The following PLCL2 variants were observed in gnomAD, a reference collection of about 807,000 sequenced individuals.
The protein encoded by PLCL2 is phospholipase C like 2.
Under a neutral mutation model 79.6 loss-of-function variants are expected in PLCL2, and 4 were observed. The observed-to-expected ratio is 0.05, with a 90% CI of 0.02 to 0.11. PLCL2 has a LOEUF of 0.11. Among genes scored for constraint, PLCL2 ranks in the 10% least tolerant of loss-of-function variants. PLCL2 has a pLI of 1.00. For synonymous variants in PLCL2, 484 were observed against 457.7 expected, an observed-to-expected ratio of 1.06 and a Z score of -0.73; for missense variants, 895 against 1,291.0, an observed-to-expected ratio of 0.69 and a Z score of 4.70.
chr3:16,944,914 C>T (rs1027218216), intron 1 of PLCL2, among the ~76,000 whole-genome samples: 12 of 151,982 alleles, frequency 7.9e-5, no homozygotes, highest in Non-Finnish European at 1.8e-4. Flanking sequence ...CGCCTGCCAC[C>T]ACACCCGGGT....
intron 1 of PLCL2, among the ~76,000 whole-genome samples, chr3:16,955,338 A>G (rs1251317344): frequency 2.0e-5 from 3 of 152,162 alleles, no homozygotes; most frequent in Non-Finnish European, 4.4e-5. Context: ...AGATGGTTGT[A>G]GATGTGTGGT....
chr3:16,946,047 A>G (rs567309095), intron 1 of PLCL2, among the ~76,000 whole-genome samples: 1 of 152,338 alleles, frequency 6.6e-6, no homozygotes, highest in Non-Finnish European at 1.5e-5. Flanking sequence ...CATAAACATT[A>G]ATCACCAGAG....
chr3:16,912,062 A>T (rs976574965), intron 1 of PLCL2, among the ~76,000 whole-genome samples: 4 of 152,194 alleles, frequency 2.6e-5, no homozygotes, highest in Admixed American at 6.5e-5. Flanking sequence ...ATCCCAAAAA[A>T]ATCTGAAACG....
At chr3:16,959,212 C>T (rs1166271237) in intron 1 of PLCL2, among the ~76,000 whole-genome samples, 1 of 152,146 alleles carries the variant, frequency 6.6e-6, no homozygotes, top group Non-Finnish European at 1.5e-5. Flanking sequence ...ATATCATGTG[C>T]CTCTTGCCTC....
intron 1 of PLCL2, among the ~76,000 whole-genome samples, chr3:17,003,249 T>C (rs1462452182): frequency 6.6e-6 from 1 of 152,230 alleles, no homozygotes; most frequent in African/African-American, 2.4e-5. Context: ...TGCTCAGAAA[T>C]GGGCATATCT....
At chr3:16,924,211 A>G (rs1697192055) in intron 1 of PLCL2, among the ~76,000 whole-genome samples, 1 of 152,146 alleles carries the variant, frequency 6.6e-6, no homozygotes, top group African/African-American at 2.4e-5. Context: ...GTAATTTTTA[A>G]TATTATAATG....
chr3:16,972,794 A>G (rs1252675139), intron 1 of PLCL2, among the ~76,000 whole-genome samples: 1 of 152,120 alleles, frequency 6.6e-6, no homozygotes, highest in Non-Finnish European at 1.5e-5. Flanking sequence ...GTCTGAAATT[A>G]TAATAGTAAC....
intron 1 of PLCL2, among the ~76,000 whole-genome samples, chr3:16,892,426 T>C (rs1239892855): frequency 9.9e-6 from 1 of 101,198 alleles, no homozygotes; most frequent in Non-Finnish European, 2.3e-5. Context: ...TATTGTTTGC[T>C]AAGGGATTTA....
chr3:16,955,124 T>A lies in PLCL2; in HGVS notation c.328-54550T>A, dbSNP rs193032940. The stretch of plus-strand genomic sequence containing the variant: ...CACATGACTACGTCCTGAATGGTAA[T>A]GCCTAGGTTTTCTTCTAGGGTTTGT... On this transcript the variant is annotated intron_variant, in intron 1 of 5. Transcript: ENST00000615277. 2.1e-3 allele frequency among the ~76,000 whole-genome samples: 326 copies of A among 152,356 alleles called. 1 individual carries two copies. Among genetic ancestry groups the A allele is most frequent in the Non-Finnish European group, 3.7e-3 (253 of 68,028 alleles).
chr3:16,997,532 CTTT>C (rs747893839), intron 1 of PLCL2, among the ~76,000 whole-genome samples: 1 of 131,670 alleles, frequency 7.6e-6, no homozygotes. Flanking sequence ...AATTTCTTTT[CTTT>C]TTTTTTTTTT....
intron 3 of PLCL2, among the ~76,000 whole-genome samples, chr3:17,016,196 A>G (rs78177033): frequency 0.029 from 4,386 of 152,322 alleles, 235 homozygotes; most frequent in African/African-American, 0.1. Flanking sequence ...CAAAGATTCT[A>G]GAGAATATAT....
intron 1 of PLCL2, among the ~76,000 whole-genome samples, chr3:16,923,431 A>G (rs1171792929): frequency 1.3e-5 from 2 of 152,254 alleles, no homozygotes; most frequent in Non-Finnish European, 2.9e-5. Flanking sequence ...TTGCACAGGC[A>G]GAGGCTTGGA....
chr3:17,089,636 T>A (rs1415868610), intron 5 of PLCL2, 97 bp from the exon 6 acceptor site: 2 of 739,420 alleles, frequency 2.7e-6, no homozygotes, highest in African/African-American at 3.5e-5. Context: ...TCTTGTGGAA[T>A]CAGAATACTT....
intron 1 of PLCL2, among the ~76,000 whole-genome samples, chr3:16,932,912 C>A (rs1166733418): frequency 6.6e-6 from 1 of 152,100 alleles, no homozygotes; most frequent in African/African-American, 2.4e-5. Context: ...TTTCCTTCTT[C>A]TTCTTTTCTT....
At chr3:16,969,419 A>C (rs1462212331) in intron 1 of PLCL2, among the ~76,000 whole-genome samples, 1 of 151,566 alleles carries the variant, frequency 6.6e-6, no homozygotes, top group African/African-American at 2.4e-5. Flanking sequence ...TCAGTTTTGG[A>C]ACTTCTTTGG....
intron 1 of PLCL2, among the ~76,000 whole-genome samples, chr3:16,918,293 A>C (rs1335997299): frequency 1.3e-5 from 2 of 152,206 alleles, no homozygotes; most frequent in African/African-American, 4.8e-5. Flanking sequence ...CTTTATATGA[A>C]AATCTCATTT....
intron 1 of PLCL2, among the ~76,000 whole-genome samples, chr3:16,961,263 T>C (rs1306992335): frequency 6.6e-6 from 1 of 152,220 alleles, no homozygotes; most frequent in African/African-American, 2.4e-5. Flanking sequence ...TCCAAAGACC[T>C]TTCCACTGCA....
chr3:17,034,603 G>GAAA (rs2064622576), intron 3 of PLCL2, among the ~76,000 whole-genome samples: 3 of 152,026 alleles, frequency 2.0e-5, no homozygotes, highest in African/African-American at 7.2e-5. Flanking sequence ...GATCTTACTT[G>GAAA]TTTTCATTAA....
chr3:17,003,892 G>C (rs1259939339), intron 1 of PLCL2, among the ~76,000 whole-genome samples: 1 of 152,090 alleles, frequency 6.6e-6, no homozygotes, highest in Non-Finnish European at 1.5e-5. Flanking sequence ...GTTTTTCTCA[G>C]GAGCACCCAT....
Sources: allele counts gnomAD v4.1 joint callset (sites outside exome capture counted in the v4.1 genomes callset), GRCh38; gene constraint gnomAD v4.1.1; transcripts MANE v1.5; gene names NCBI Gene and HGNC (gene_info 2026-07-23, HGNC 2026-07-21).